ABRACL: variants seen among roughly 807,000 people sequenced by gnomAD.
ABRACL encodes costars family protein ABRACL.
In ABRACL, 4 loss-of-function variants were observed where a neutral mutation model predicts 7.0. That is an observed-to-expected ratio of 0.57 (90% confidence interval 0.28 to 1.30). The LOEUF is 1.30. Ranked by LOEUF, ABRACL falls within the 50% of genes most tolerant of loss-of-function variation. The probability of loss-of-function intolerance (pLI) is 0.10; values close to 1 mark genes in which losing one functional copy is unlikely to be tolerated. For synonymous variants in ABRACL, 30 were observed against 36.0 expected, an observed-to-expected ratio of 0.83 and a Z score of 0.60; for missense variants, 104 against 97.3, an observed-to-expected ratio of 1.07 and a Z score of -0.29.
At chr6:139,041,529 A>AT (rs144355709) in intron 2 of ABRACL, among the ~76,000 whole-genome samples, 20 of 85,652 alleles carry the variant, frequency 2.3e-4, no homozygotes, top group African/African-American at 1.1e-3. Flanking sequence ...ATATATATAT[A>AT]TATTTTTTTT....
chr6:139,034,006 A>G (rs1361567611), intron 1 of ABRACL, 149 bp from the exon 2 acceptor site: 11 of 1,048,048 alleles, frequency 1.0e-5, no homozygotes, highest in Non-Finnish European at 1.4e-6. Flanking sequence ...CTTCAGTGCC[A>G]CATGCATCAC....
chr6:139,038,156 A>C (rs180837336), intron 2 of ABRACL, among the ~76,000 whole-genome samples: 30 of 152,298 alleles, frequency 2.0e-4, no homozygotes, highest in South Asian at 6.2e-4. Flanking sequence ...TTCTTTATCC[A>C]TATCAGCCTA....
intron 2 of ABRACL, among the ~76,000 whole-genome samples, chr6:139,035,568 C>A (rs1474037704): frequency 1.3e-5 from 2 of 151,966 alleles, no homozygotes; most frequent in South Asian, 4.2e-4. Context: ...CTGCAACCTC[C>A]GCCTCCCGGG....
chr6:139,032,402 A>G (rs557272543), intron 1 of ABRACL, among the ~76,000 whole-genome samples: 2 of 152,364 alleles, frequency 1.3e-5, no homozygotes, highest in South Asian at 2.1e-4. Flanking sequence ...ATATTTGAAC[A>G]CTATAAATTT....
rs545566455 is a variant in ABRACL, at chr6:139,034,283, C to T, written c.61+62C>T. 6.8e-6 allele frequency: 11 copies of T among 1,613,932 alleles called. No homozygotes were observed. In the African/African-American group the frequency reaches 1.3e-4, roughly 20 times the overall value. ...TTTACCTTGGAACAGGTGAGACTGG[C>T]ATGCTGGAGAAGCCTATGAAGGGGT... On this transcript the variant is annotated intron_variant, in intron 2 of 2. Coordinates refer to ENST00000367660, the MANE Select transcript of ABRACL (RefSeq NM_021243.3).
intron 2 of ABRACL, 180 bp downstream of exon 2, chr6:139,034,401 G>A: frequency 1.3e-6 from 2 of 1,542,950 alleles, no homozygotes; most frequent in South Asian, 1.2e-5. Flanking sequence ...GGAGACACGG[G>A]GCTTTTGGGG....
At position 139,037,921 on chromosome 6, in the gene ABRACL, C is replaced by CATCT. The variant is rs539602301; in HGVS notation, c.61+3701_61+3704dup. 8.6e-4 allele frequency among the ~76,000 whole-genome samples: 131 copies of CATCT among 152,024 alleles called. 1 individual carries two copies. The highest frequency in any genetic ancestry group is 3.1e-3 in the African/African-American group (128 of 41,492). ...CCTCCTGAGTAGCTGGGATTACAGG[C>CATCT]ATCTGCCACCACCCCCAGCTAATTT... On this transcript the variant is annotated intron_variant, in intron 2 of 2. Transcript: ENST00000367660.
intron 2 of ABRACL, chr6:139,034,623 TATC>T (rs1395789236): frequency 4.7e-6 from 2 of 426,658 alleles, no homozygotes; most frequent in East Asian, 3.9e-5. Flanking sequence ...TTATCTAAAA[TATC>T]ATCATTTTAC....
chr6:139,040,964 T>C (rs909254787), intron 2 of ABRACL, among the ~76,000 whole-genome samples: 1 of 152,184 alleles, frequency 6.6e-6, no homozygotes, highest in Non-Finnish European at 1.5e-5. Flanking sequence ...CTGGCAGCAC[T>C]GAGAAAAAGA....
At chr6:139,041,943 C>T (rs575466521) in intron 2 of ABRACL, among the ~76,000 whole-genome samples, 3 of 152,074 alleles carry the variant, frequency 2.0e-5, no homozygotes, top group Non-Finnish European at 4.4e-5. Context: ...AGGAATGGTC[C>T]TCCCCTCACT....
rs1038633627 is a variant in ABRACL, at chr6:139,029,395, T to G, written c.-7+520T>G. On this transcript the variant is annotated intron_variant, in intron 1 of 2. Transcript: ENST00000367660. ...GGGGCTCGTGGAGCCCGGGGCAGGG[T>G]CCGTTTTCGTCGCCCGGGTTGGGTG... Among the ~76,000 whole-genome samples the G allele has an allele frequency of 2.0e-5, 3 of 151,610 alleles. No individual in the cohort carries two copies. The South Asian group carries it at 6.3e-4, about 32-fold the overall frequency.
rs1041471140 is a variant in ABRACL at position 139,033,727 on chromosome 6, G to A, written c.-6-428G>A. Among the ~76,000 whole-genome samples, 12 of 152,258 alleles carry A rather than the reference G, an allele frequency of 7.9e-5. No individual in the cohort carries two copies. In the South Asian group the frequency reaches 1.5e-3, roughly 18 times the overall value. ...TGGACCCACCACTCAAAGAGTATTC[G>A]TCTCATTGCTCTTCATTGCAGGCCC... On this transcript the variant is annotated intron_variant, in intron 1 of 2. Coordinates refer to ENST00000367660, the MANE Select transcript of ABRACL (RefSeq NM_021243.3).
Position 139,043,027 on chromosome 6 carries a change from T to C in ABRACL, c.*124T>C, listed in dbSNP as rs146327732. ...ATAGAACTTTGTAAACGAAAGGAGATTCATGTTTTAGAAGTCTGTCCTTTT... is the reference window on the plus strand; with the variant it reads ...ATAGAACTTTGTAAACGAAAGGAGACTCATGTTTTAGAAGTCTGTCCTTTT... On this transcript the variant is annotated 3_prime_UTR_variant, in exon 3 of 3. Coordinates refer to ENST00000367660, the MANE Select transcript of ABRACL (RefSeq NM_021243.3). The C allele has an allele frequency of 7.6e-6, 6 of 789,906 alleles. No homozygotes were observed. The African/African-American group carries it at 1.1e-4, about 14-fold the overall frequency. 48.9% of individuals were successfully genotyped at this position (789,906 alleles called of 1,614,324 possible).
intron 1 of ABRACL, among the ~76,000 whole-genome samples, chr6:139,032,200 G>C (rs892808737): frequency 6.6e-6 from 1 of 152,072 alleles, no homozygotes. Flanking sequence ...TCCTGACCTC[G>C]TGATCCACCC....
chr6:139,041,758 G>A (rs1296084219), intron 2 of ABRACL, among the ~76,000 whole-genome samples: 2 of 151,934 alleles, frequency 1.3e-5, no homozygotes, highest in African/African-American at 2.4e-5. Context: ...TTCCTCATGG[G>A]AATTGAAGTC....
At chr6:139,034,295 G>T (rs1281232229) in intron 2 of ABRACL, 74 bp downstream of exon 2, 3 of 1,613,002 alleles carry the variant, frequency 1.9e-6, no homozygotes, top group Non-Finnish European at 2.5e-6. Context: ...TGCTGGAGAA[G>T]CCTATGAAGG....
intron 2 of ABRACL, among the ~76,000 whole-genome samples, chr6:139,041,575 G>A (rs1455417453): frequency 1.4e-5 from 2 of 141,450 alleles, no homozygotes; most frequent in African/African-American, 5.2e-5. Context: ...TGCTAAGGTT[G>A]GTGTCAAACT....
At chr6:139,031,885 G>C (rs10223583) in intron 1 of ABRACL, among the ~76,000 whole-genome samples, 3,562 of 152,148 alleles carry the variant, frequency 0.023, 139 homozygotes, top group African/African-American at 0.08. Context: ...ATAGACTGCT[G>C]GTGCCAGAAT....
intron 2 of ABRACL, among the ~76,000 whole-genome samples, chr6:139,035,802 T>A (rs978735902): frequency 6.7e-6 from 1 of 150,198 alleles, no homozygotes; most frequent in African/African-American, 2.4e-5. Flanking sequence ...GTATTTTTAT[T>A]AGAGATGGGG....
Sources: gnomAD v4.1 joint callset for allele counts (sites outside exome capture counted in the v4.1 genomes callset) on GRCh38, gnomAD v4.1.1 for gene constraint, MANE v1.5 for transcripts, NCBI Gene and HGNC (gene_info 2026-07-23, HGNC 2026-07-21) for gene names.